Variants in ZFYVE16 observed in about 807,000 individuals in gnomAD.
The protein encoded by ZFYVE16 is zinc finger FYVE-type containing 16.
Under a neutral mutation model 138.1 loss-of-function variants are expected in ZFYVE16, and 89 were observed. The observed-to-expected ratio is 0.64, with a 90% CI of 0.54 to 0.77. The LOEUF is 0.77. ZFYVE16 is among the 30% of genes least tolerant of loss of function. The pLI is 0.00. For missense variants in ZFYVE16, 1,793 were observed against 1,786.7 expected (o/e 1.00, Z -0.06); for synonymous variants, 596 against 618.3 (o/e 0.96, Z 0.53).
chr5:80,448,099 G>T lies in ZFYVE16; in HGVS notation c.2798G>T (p.Arg933Ile). ...KPNNETGDIT[R>I]NEIIQSPISQ... ...AACAATGAGACAGGAGATATTACAAGAAATGAGATAATTCAGAGTCCTATT... is the reference window on the plus strand; with the variant it reads ...AACAATGAGACAGGAGATATTACAATAAATGAGATAATTCAGAGTCCTATT... Residue 933 changes from arginine to isoleucine, a missense_variant, in exon 8 of 19, where the codon AGA becomes ATA. Physicochemically the swap from Arg to Ile is moderately conservative, Grantham distance 97. Transcript: ENST00000505560. The T allele has an allele frequency of 6.2e-7, 1 of 1,613,766 alleles. No homozygotes were observed. Among genetic ancestry groups the T allele is most frequent in the Non-Finnish European group, 8.5e-7 (1 of 1,179,878 alleles).
chr5:80,473,644 A>T, intron 16 of ZFYVE16, 110 bp from the exon 17 acceptor site: 1 of 659,572 alleles, frequency 1.5e-6, no homozygotes, highest in Non-Finnish European at 2.5e-6. Context: ...TATATAATTG[A>T]CATATCTTCT....
At chr5:80,462,362 G>T (rs565567008) in intron 15 of ZFYVE16, among the ~76,000 whole-genome samples, 1 of 152,296 alleles carries the variant, frequency 6.6e-6, no homozygotes, top group South Asian at 2.1e-4. Flanking sequence ...TCACAAGGCA[G>T]CAGGAAGGAG....
Position 80,437,437 on chromosome 5 carries a change from A to G in ZFYVE16, c.752A>G (p.Gln251Arg), listed in dbSNP as rs760083132. The change falls in exon 4 of 19, where the codon CAA becomes CGA. Residue 251 changes from glutamine (Q) to arginine (R), a missense_variant. Physicochemically the swap from Gln to Arg is conservative, Grantham distance 43. Around this residue, in one of 2 missense-constraint regions of ZFYVE16, gnomAD observed 1,295 missense variants for 1,204.3 expected, o/e 1.08. Transcript: ENST00000505560. Reference protein sequence around the residue: ...DFNMSSALTRQSSKMFHAKDK... With the variant: ...DFNMSSALTRRSSKMFHAKDK... ...AACATGTCATCTGCTTTGACTCGACAAAGTTCCAAAATGTTTCATGCCAAA... is the reference window on the plus strand; with the variant it reads ...AACATGTCATCTGCTTTGACTCGACGAAGTTCCAAAATGTTTCATGCCAAA... 1 of 1,602,288 alleles carries G rather than the reference A, an allele frequency of 6.2e-7. No individual in the cohort carries two copies. Among genetic ancestry groups the G allele is most frequent in the South Asian group, 1.1e-5 (1 of 89,746 alleles).
intron 17 of ZFYVE16, among the ~76,000 whole-genome samples, chr5:80,474,283 TC>T (rs1408040644): frequency 6.6e-6 from 1 of 152,122 alleles, no homozygotes; most frequent in African/African-American, 2.4e-5. Flanking sequence ...ACCTCCTTAT[TC>T]CCCCTCATAT....
At chr5:80,428,586 A>G (rs1028876951) in intron 2 of ZFYVE16, among the ~76,000 whole-genome samples, 4 of 152,230 alleles carry the variant, frequency 2.6e-5, no homozygotes, top group African/African-American at 7.2e-5. Context: ...CTCACCGGCA[A>G]TGGAACAAAG....
chr5:80,452,662 A>C (rs772977858), intron 11 of ZFYVE16, among the ~76,000 whole-genome samples: 17 of 152,160 alleles, frequency 1.1e-4, no homozygotes, highest in Non-Finnish European at 1.9e-4. Flanking sequence ...TTGGGTTAGC[A>C]GTGCTATTGT....
At chr5:80,474,927 A>G (rs1350897615) in intron 18 of ZFYVE16, 97 bp downstream of exon 18, 2 of 1,330,980 alleles carry the variant, frequency 1.5e-6, no homozygotes, top group Admixed American at 5.0e-5. Context: ...GGGAACGAAA[A>G]TTTGTTGAGC....
intron 1 of ZFYVE16, among the ~76,000 whole-genome samples, chr5:80,414,252 A>G (rs1412852948): frequency 6.6e-6 from 1 of 152,182 alleles, no homozygotes; most frequent in African/African-American, 2.4e-5. Flanking sequence ...ATTCAAACAC[A>G]TCTGATAATC....
intron 15 of ZFYVE16, among the ~76,000 whole-genome samples, chr5:80,461,783 C>T (rs915199187): frequency 6.6e-6 from 1 of 152,012 alleles, no homozygotes; most frequent in Admixed American, 6.6e-5. Context: ...TGAGCCTGGC[C>T]AACATGGTGA....
At chr5:80,473,980 C>CT (rs1754644988) in intron 17 of ZFYVE16, 121 bp downstream of exon 17, 1 of 682,752 alleles carries the variant, frequency 1.5e-6, no homozygotes, top group East Asian at 2.9e-5. Flanking sequence ...TTATGCTACA[C>CT]TTTGAGACAT....
intron 15 of ZFYVE16, among the ~76,000 whole-genome samples, chr5:80,471,154 A>G (rs1413945931): frequency 2.0e-5 from 3 of 152,138 alleles, no homozygotes; most frequent in Non-Finnish European, 4.4e-5. Flanking sequence ...CCATATGGAT[A>G]AGATAGGGCT....
At position 80,470,202 on chromosome 5, in the gene ZFYVE16, C is replaced by T. The variant is rs573149864; in HGVS notation, c.4025-2559C>T. ...CTGGAAGCTCCACCTCCTGGGTTCA[C>T]GCCATTCTCCTGCCTCAGCCTCCCG... On this transcript the variant is annotated intron_variant, in intron 15 of 18. Transcript: ENST00000505560. 6.2e-4 allele frequency among the ~76,000 whole-genome samples: 93 copies of T among 149,004 alleles called. 1 individual carries two copies. Among genetic ancestry groups the T allele is most frequent in the African/African-American group, 2.0e-3 (81 of 40,534 alleles).
At chr5:80,462,064 A>G (rs938657629) in intron 15 of ZFYVE16, among the ~76,000 whole-genome samples, 1 of 152,154 alleles carries the variant, frequency 6.6e-6, no homozygotes, top group Non-Finnish European at 1.5e-5. Flanking sequence ...TAAAGGCCCA[A>G]CTCCAAATAC....
intron 9 of ZFYVE16, 87 bp downstream of exon 9, chr5:80,449,800 T>G: frequency 2.9e-6 from 4 of 1,372,488 alleles, no homozygotes; most frequent in Non-Finnish European, 3.9e-6. Flanking sequence ...TGACTGGCCA[T>G]GGTGAAAAAT....
At chr5:80,423,872 T>G (rs931212120) in intron 1 of ZFYVE16, among the ~76,000 whole-genome samples, 1 of 152,184 alleles carries the variant, frequency 6.6e-6, no homozygotes, top group Admixed American at 6.5e-5. Context: ...CCTACTTGTT[T>G]TAGGCCAAAA....
In ZFYVE16 at chr5:80,480,732, G is replaced by A. The variant is rs774233223; in HGVS notation, c.*3355G>A. Among the ~76,000 whole-genome samples, 4 of 151,996 alleles carry A rather than the reference G, an allele frequency of 2.6e-5. No individual in the cohort carries two copies. The highest frequency in any genetic ancestry group is 4.4e-5 in the Non-Finnish European group (3 of 68,014). On this transcript the variant is annotated 3_prime_UTR_variant, in exon 19 of 19. Transcript: ENST00000505560. ...CGAGCTCAGGTTGAGACCAGAGTGA[G>A]CAACACAGGGAGACACTGTCTCTGC...
At chr5:80,450,866 C>T (rs1294035077) in intron 10 of ZFYVE16, among the ~76,000 whole-genome samples, 2 of 139,538 alleles carry the variant, frequency 1.4e-5, no homozygotes, top group Non-Finnish European at 3.0e-5. Flanking sequence ...GGCTGGAGTG[C>T]AGTGGCACAA....
Position 80,418,467 on chromosome 5 carries a change from C to G in ZFYVE16, c.-93-9025C>G, listed in dbSNP as rs559784367. Among the ~76,000 whole-genome samples the G allele has an allele frequency of 1.6e-4, 24 of 152,024 alleles. No homozygotes were observed. In the South Asian group the frequency reaches 5.0e-3, roughly 32 times the overall value. ...AGCTAGAACTATAGGTATGCACCCCCACACCTAACTAATTTTTAATTTTTT... is the reference window on the plus strand; with the variant it reads ...AGCTAGAACTATAGGTATGCACCCCGACACCTAACTAATTTTTAATTTTTT... On this transcript the variant is annotated intron_variant, in intron 1 of 18. Transcript: ENST00000505560.
rs570144254 is a variant in ZFYVE16, at chr5:80,465,148, C to T, written c.4024+5654C>T. ...ACCTATTCTCTTATTCATGTGCATTCAAGTTACAGTCTAGCATCCTTTTAT... is the reference window on the plus strand; with the variant it reads ...ACCTATTCTCTTATTCATGTGCATTTAAGTTACAGTCTAGCATCCTTTTAT... On this transcript the variant is annotated intron_variant, in intron 15 of 18. Coordinates refer to ENST00000505560, the MANE Select transcript of ZFYVE16 (RefSeq NM_001284236.3). 1.4e-3 allele frequency among the ~76,000 whole-genome samples: 213 copies of T among 152,164 alleles called. 3 individuals are homozygous for T. In the South Asian group the frequency reaches 0.019, roughly 14 times the overall value.
Sources: allele counts gnomAD v4.1 joint callset (sites outside exome capture counted in the v4.1 genomes callset), GRCh38; gene constraint gnomAD v4.1.1; regional missense constraint gnomAD v4.1.1; transcripts MANE v1.5; gene names NCBI Gene and HGNC (gene_info 2026-07-23, HGNC 2026-07-21).